Variants in RASSF3 observed in about 807,000 individuals in gnomAD.
The protein encoded by RASSF3 is ras association domain-containing protein 3.
Under a neutral mutation model 19.9 loss-of-function variants are expected in RASSF3, and 19 were observed. That is an observed-to-expected ratio of 0.96 (90% confidence interval 0.67 to 1.40). The LOEUF is 1.40. Among genes scored for constraint, RASSF3 ranks in the 40% most tolerant of loss-of-function variants. The pLI is 0.00. For synonymous variants in RASSF3, 110 were observed against 104.2 expected, an observed-to-expected ratio of 1.06 and a Z score of -0.34; for missense variants, 306 against 289.8, an observed-to-expected ratio of 1.06 and a Z score of -0.41.
At chr12:64,681,507 C>T (rs1873125558) in intron 1 of RASSF3, among the ~76,000 whole-genome samples, 1 of 152,206 alleles carries the variant, frequency 6.6e-6, no homozygotes, top group Admixed American at 6.5e-5. Flanking sequence ...CTTTCTGCAA[C>T]ACCCCTTTGC....
downstream of RASSF3, among the ~76,000 whole-genome samples, chr12:64,544,752 C>T (rs917790215): frequency 6.6e-6 from 1 of 152,184 alleles, no homozygotes; most frequent in Admixed American, 6.5e-5. Context: ...ATTTATCCTT[C>T]CTGCATATGG....
rs34306092 is a variant in RASSF3 at position 64,579,809 on chromosome 12, G to GTT, written c.294+38120_294+38121dup. ...GGTACAAAACTAGGTGTTTTTTTGG[G>GTT]TTTTTTTTTTTTTTTTTAAAGACAG... On this transcript the variant is annotated intron_variant, in intron 2 of 5. Coordinates refer to the RASSF3 transcript ENST00000637125. Among the ~76,000 whole-genome samples, 258 of 137,304 alleles carry GTT rather than the reference G, an allele frequency of 1.9e-3. 3 individuals are homozygous for GTT. The highest frequency in any genetic ancestry group is 0.014 in the East Asian group (66 of 4,668). 90.1% of individuals were successfully genotyped at this position (137,304 alleles called of 152,430 possible). A position where few individuals can be genotyped will look rare whatever the true frequency, so the allele number is the denominator to read the frequency against.
chr12:64,646,781 ACCCAGGAATAATATG>A (rs1871751082), intron 1 of RASSF3, among the ~76,000 whole-genome samples: 1 of 151,174 alleles, frequency 6.6e-6, no homozygotes, highest in Admixed American at 6.6e-5. Flanking sequence ...AGAGTGAAAG[ACCCAGGAATAATATG>A]CCTGTGTGTA....
chr12:64,595,080 T>G (rs1035512957), intron 2 of RASSF3, among the ~76,000 whole-genome samples: 1 of 144,648 alleles, frequency 6.9e-6, no homozygotes, highest in African/African-American at 2.6e-5. Flanking sequence ...TTTTTTTTTT[T>G]TTTTTTTGAG....
chr12:64,592,502 A>G (rs1445679457), intron 2 of RASSF3, among the ~76,000 whole-genome samples: 1 of 152,162 alleles, frequency 6.6e-6, no homozygotes, highest in Non-Finnish European at 1.5e-5. Context: ...GAGGAAATGC[A>G]TATGTAATTT....
At chr12:64,560,101 C>G (rs1869323291) in intron 2 of RASSF3, among the ~76,000 whole-genome samples, 1 of 152,204 alleles carries the variant, frequency 6.6e-6, no homozygotes, top group Admixed American at 6.5e-5. Context: ...GATGGGCCAG[C>G]CCGGCAGACC....
At chr12:64,556,834 C>CTT (rs5798747) in intron 2 of RASSF3, among the ~76,000 whole-genome samples, 49 of 114,372 alleles carry the variant, frequency 4.3e-4, no homozygotes, top group African/African-American at 9.9e-4. Context: ...CCCCCTACCC[C>CTT]TTTTTTTTTT....
At chr12:64,554,615 T>A (rs1053084305) in intron 2 of RASSF3, among the ~76,000 whole-genome samples, 2 of 152,080 alleles carry the variant, frequency 1.3e-5, no homozygotes, top group Non-Finnish European at 2.9e-5. Flanking sequence ...CAAAATGTGT[T>A]TTAAATAGAA....
At chr12:64,616,782 C>T (rs967918748) in intron 1 of RASSF3, among the ~76,000 whole-genome samples, 14 of 152,278 alleles carry the variant, frequency 9.2e-5, no homozygotes, top group African/African-American at 3.1e-4. Context: ...TACAAGGCCC[C>T]GCTTATTGTT....
chr12:64,521,935 G>T (rs2136104480), intron 1 of RASSF3, among the ~76,000 whole-genome samples: 1 of 152,338 alleles, frequency 6.6e-6, no homozygotes, highest in Admixed American at 6.5e-5. Flanking sequence ...TCTCCCAAAT[G>T]CTGGGAACAC....
At chr12:64,579,964 G>A (rs867139816) in intron 2 of RASSF3, among the ~76,000 whole-genome samples, 2 of 151,894 alleles carry the variant, frequency 1.3e-5, no homozygotes, top group African/African-American at 2.4e-5. Flanking sequence ...ACAGGCATGC[G>A]CCACCATGCC....
chr12:64,579,164 C>G (rs1049596026), intron 2 of RASSF3, among the ~76,000 whole-genome samples: 8 of 151,996 alleles, frequency 5.3e-5, no homozygotes, highest in Non-Finnish European at 1.2e-4. Flanking sequence ...GGGGTACCAG[C>G]TGAACCTACT....
intron 1 of RASSF3, among the ~76,000 whole-genome samples, chr12:64,534,410 G>A (rs1312866455): frequency 5.9e-5 from 9 of 152,204 alleles, no homozygotes; most frequent in African/African-American, 2.2e-4. Context: ...TGAGAAGATC[G>A]CTTGAGCCCA....
At chr12:64,643,802 T>G (rs1871633485) in intron 1 of RASSF3, among the ~76,000 whole-genome samples, 1 of 152,176 alleles carries the variant, frequency 6.6e-6, no homozygotes, top group South Asian at 2.1e-4. Flanking sequence ...ACTGGCAGGT[T>G]AATTCTAAAA....
intron 1 of RASSF3, among the ~76,000 whole-genome samples, chr12:64,633,781 C>T (rs1427324931): frequency 2.0e-5 from 3 of 152,010 alleles, no homozygotes; most frequent in Non-Finnish European, 4.4e-5. Flanking sequence ...CAGAAGAAGA[C>T]AGGAAGACAA....
intron 2 of RASSF3, among the ~76,000 whole-genome samples, chr12:64,552,515 C>T (rs530280977): frequency 3.3e-5 from 5 of 152,132 alleles, no homozygotes; most frequent in South Asian, 4.1e-4. Flanking sequence ...TTTCCTAAGG[C>T]TCTCCCTCCC....
chr12:64,655,411 A>G (rs1797679), intron 1 of RASSF3, among the ~76,000 whole-genome samples: 43,370 of 152,114 alleles, frequency 0.29, 6,713 homozygotes, highest in Non-Finnish European at 0.36. Flanking sequence ...TGAGACAGCA[A>G]GAAGAGCCCT....
Position 64,676,255 on chromosome 12 carries a change from C to T in RASSF3, c.112-8532C>T, listed in dbSNP as rs898482674. ...TGGTGTAACCTCCACCTCCAGGGTTCAAGCGATTCTCCTGCCTCAGCCTCC... is the reference window on the plus strand; with the variant it reads ...TGGTGTAACCTCCACCTCCAGGGTTTAAGCGATTCTCCTGCCTCAGCCTCC... On this transcript the variant is annotated intron_variant, in intron 1 of 4. Transcript: ENST00000542104. Among the ~76,000 whole-genome samples, 3 of 144,032 alleles carry T rather than the reference C, an allele frequency of 2.1e-5. No homozygotes were observed. The Admixed American group carries it at 2.2e-4, about 11-fold the overall frequency. The allele number at this position is 144,032 out of a possible 152,430, so 94.5% of individuals were successfully genotyped here.
chr12:64,688,354 A>G lies in RASSF3; in HGVS notation c.358A>G (p.Thr120Ala). The change falls in exon 3 of 5, where the codon ACT (threonine) becomes GCT (alanine). Residue 120 changes from threonine (T) to alanine (A), a missense_variant. By Grantham distance (58) the Thr-to-Ala change is moderately conservative (BLOSUM62 0). Coordinates refer to ENST00000542104, the MANE Select transcript of RASSF3 (RefSeq NM_178169.4). Reference protein sequence around the residue: ...MNTLHISSTNTVGEVIEALLK... With the variant: ...MNTLHISSTNAVGEVIEALLK... Reference sequence around the variant, plus strand: ...TACACTTCATATCAGCAGCACAAACACTGTCGGGGAAGTGATCGAGGCCCT... The same window carrying G: ...TACACTTCATATCAGCAGCACAAACGCTGTCGGGGAAGTGATCGAGGCCCT... The G allele has an allele frequency of 6.2e-7, 1 of 1,614,152 alleles. No individual in the cohort carries two copies. The highest frequency in any genetic ancestry group is 8.5e-7 in the Non-Finnish European group (1 of 1,180,020).
Sources: gnomAD v4.1 joint callset for allele counts (sites outside exome capture counted in the v4.1 genomes callset) on GRCh38, gnomAD v4.1.1 for gene constraint, MANE v1.5 for transcripts, NCBI Gene and HGNC (gene_info 2026-07-23, HGNC 2026-07-21) for gene names.